The following CIP2A variants were observed in gnomAD, a reference collection of about 807,000 sequenced individuals.
CIP2A encodes protein CIP2A.
A neutral mutation model predicts 110.9 loss-of-function variants in CIP2A; 103 were observed. The observed-to-expected ratio is 0.93, with a 90% confidence interval of 0.79 to 1.09. The LOEUF (loss-of-function observed/expected upper bound fraction) is 1.09, where lower values mean the gene tolerates loss of function less well. Among genes scored for constraint, CIP2A ranks in the 50% least tolerant of loss-of-function variants. CIP2A has a pLI of 0.00. For missense variants in CIP2A, 1,088 were observed against 1,038.4 expected (o/e 1.05, Z -0.66); for synonymous variants, 381 against 361.6 (o/e 1.05, Z -0.61).
At chr3:108,574,106 A>G (rs1204486823) in intron 8 of CIP2A, among the ~76,000 whole-genome samples, 3 of 152,152 alleles carry the variant, frequency 2.0e-5, no homozygotes, top group African/African-American at 7.2e-5. Flanking sequence ...CACAGAATGG[A>G]AGAAAATATT....
In CIP2A at chr3:108,563,753, C is replaced by T. The variant is rs143430662; in HGVS notation, c.1516-509G>A. ...AGTATTGTAAGCCCCAAGTCATCAA[C>T]ATATATCTAAAATGTCTGGGACCAG... is the stretch of plus-strand genomic sequence containing the variant. On this transcript the variant is annotated intron_variant, in intron 12 of 20. Coordinates refer to ENST00000295746, the MANE Select transcript of CIP2A (RefSeq NM_020890.3). Among the ~76,000 whole-genome samples the T allele has an allele frequency of 2.0e-5, 3 of 152,108 alleles. No individual in the cohort carries two copies. In the East Asian group the frequency reaches 5.8e-4, roughly 29 times the overall value.
intron 17 of CIP2A, 37 bp downstream of exon 17, chr3:108,557,181 G>T: frequency 1.5e-6 from 2 of 1,323,186 alleles, no homozygotes; most frequent in Non-Finnish European, 2.1e-6. Flanking sequence ...GTTCATTCTA[G>T]GTTCTAACCT....
rs957894379 is a variant in CIP2A at position 108,554,571 on chromosome 3, C to G, written c.2211-82G>C. ...AAAGAAGCTCACAGTGTTTTCTTTA[C>G]TATCTCTTCTAACCAAATTGCATAT... On this transcript the variant is annotated intron_variant, in intron 17 of 20. Transcript: ENST00000295746. The G allele has an allele frequency of 3.0e-5, 19 of 633,912 alleles. 1 individual carries two copies. Among genetic ancestry groups the G allele is most frequent in the Non-Finnish European group, 5.3e-5 (19 of 358,318 alleles). 39.3% of individuals were successfully genotyped at this position (633,912 alleles called of 1,614,324 possible).
rs371917689 is a variant in CIP2A at position 108,589,420 on chromosome 3, G to C, written c.-45C>G. The C allele has an allele frequency of 7.0e-7, 1 of 1,424,888 alleles. No individual in the cohort carries two copies. Among genetic ancestry groups the C allele is most frequent in the Non-Finnish European group, 9.8e-7 (1 of 1,022,804 alleles). The allele number at this position is 1,424,888 out of a possible 1,614,324, so 88.3% of individuals were successfully genotyped here. ...CTTAGGGACCACCACCGCCCAGCGT[G>C]CGCCGGCCTTTAGCTTTCGCCGCGC... On this transcript the variant is annotated 5_prime_UTR_variant, in exon 1 of 21. Coordinates refer to ENST00000295746, the MANE Select transcript of CIP2A (RefSeq NM_020890.3).
chr3:108,582,942 A>T (rs1938929405), intron 3 of CIP2A, 35 bp downstream of exon 3: 1 of 1,288,700 alleles, frequency 7.8e-7, no homozygotes, highest in Admixed American at 1.9e-5. Context: ...ATCTGACAGT[A>T]AGGAAAGGGG....
chr3:108,585,710 G>C (rs1175670546), intron 1 of CIP2A: 2 of 456,378 alleles, frequency 4.4e-6, no homozygotes, highest in Non-Finnish European at 8.8e-6. Flanking sequence ...GGTAGTTATG[G>C]GATTATTCCT....
chr3:108,566,555 A>G lies in CIP2A; in HGVS notation c.1357T>C (p.Phe453Leu). The change falls in exon 11 of 21, where the codon TTT (phenylalanine) becomes CTT (leucine). Residue 453 changes from phenylalanine to leucine, a missense_variant. Phe to Leu is a conservative substitution (Grantham distance 22, BLOSUM62 0). Coordinates refer to ENST00000295746, the MANE Select transcript of CIP2A (RefSeq NM_020890.3). ...VKCTTLIEQQ[F>L]TYGKIDLGFG... is the part of the protein sequence containing the mutation. ...CCCAGGTCAATCTTGCCATATGTAA[A>G]TTGTTGTTCTATAAGAGTGGTACAC... 1.2e-6 allele frequency: 2 copies of G among 1,608,198 alleles called. No individual in the cohort carries two copies. The highest frequency in any genetic ancestry group is 1.7e-6 in the Non-Finnish European group (2 of 1,176,970).
rs1939006290 is a variant in CIP2A at position 108,585,218 on chromosome 3, A to C, written c.103-6T>G. On this transcript the variant is annotated splice_polypyrimidine_tract_variant and splice_region_variant and intron_variant, in intron 1 of 20. Transcript: ENST00000295746. Reference sequence around the variant, plus strand: ...AGTTTCTGTCCAGAAATTACCTATAAAATAGTAATCAAAATGTGTTGGTTA... The same window carrying C: ...AGTTTCTGTCCAGAAATTACCTATACAATAGTAATCAAAATGTGTTGGTTA... The C allele has an allele frequency of 6.3e-7, 1 of 1,596,058 alleles. No individual in the cohort carries two copies. Among genetic ancestry groups the C allele is most frequent in the Non-Finnish European group, 8.5e-7 (1 of 1,169,964 alleles).
chr3:108,572,687 C>T (rs889198170), intron 8 of CIP2A, among the ~76,000 whole-genome samples: 1 of 151,976 alleles, frequency 6.6e-6, no homozygotes, highest in African/African-American at 2.4e-5. Context: ...TTGTATCCAG[C>T]CAACTTGTTA....
At chr3:108,561,370 A>C (rs1259138954) in intron 13 of CIP2A, among the ~76,000 whole-genome samples, 4 of 152,190 alleles carry the variant, frequency 2.6e-5, no homozygotes, top group Non-Finnish European at 1.5e-5. Flanking sequence ...TGCAAACTGC[A>C]AGATGGCAGG....
Position 108,569,540 on chromosome 3 carries a change from A to C in CIP2A, c.962T>G (p.Phe321Cys). The C allele has an allele frequency of 6.2e-7, 1 of 1,612,846 alleles. No homozygotes were observed. Among genetic ancestry groups the C allele is most frequent in the Non-Finnish European group, 8.5e-7 (1 of 1,179,312 alleles). ...QLRHMLTQMM[F>C]EQSPPGSATL... The stretch of plus-strand genomic sequence containing the variant: ...GGCGCTGCCAGGTGGAGACTGTTCA[A>C]ACATCATCTGAGTGAGCATATGGCG... The change falls in exon 9 of 21, where the codon TTT (phenylalanine) becomes TGT (cysteine). Residue 321 changes from phenylalanine (F) to cysteine (C), a missense_variant. Phe to Cys is a radical substitution (Grantham distance 205). Transcript: ENST00000295746.
intron 20 of CIP2A, among the ~76,000 whole-genome samples, chr3:108,551,805 C>G (rs1388814983): frequency 1.3e-5 from 2 of 151,916 alleles, no homozygotes; most frequent in Non-Finnish European, 2.9e-5. Context: ...TAGAAAGAAC[C>G]CCGGACTCAG....
intron 5 of CIP2A, among the ~76,000 whole-genome samples, chr3:108,580,715 A>C (rs1349806623): frequency 1.3e-5 from 2 of 151,414 alleles, no homozygotes; most frequent in East Asian, 3.9e-4. Context: ...TCCAACCTCC[A>C]CCTCCCGGGT....
At position 108,574,746 on chromosome 3, in the gene CIP2A, A is replaced by C. The variant is rs567692025; in HGVS notation, c.894+1525T>G. 2.0e-5 allele frequency: 3 copies of C among 152,894 alleles called. No individual in the cohort carries two copies. The East Asian group carries it at 5.8e-4, about 29-fold the overall frequency. The allele number at this position is 152,894 out of a possible 1,614,324, so 9.5% of individuals were successfully genotyped here. ...TCTGACCTCCTGCTGTCCCCCATCTAGGCTTCTGAGAGCTATTATGCAAGG... is the reference window on the plus strand; with the variant it reads ...TCTGACCTCCTGCTGTCCCCCATCTCGGCTTCTGAGAGCTATTATGCAAGG... On this transcript the variant is annotated intron_variant, in intron 8 of 20. Transcript: ENST00000295746.
intron 8 of CIP2A, 49 bp downstream of exon 8, chr3:108,576,195 TATTTTGCAGTTTTTTAAAAGTTTCGGC>T: frequency 2.4e-6 from 2 of 825,428 alleles, no homozygotes; most frequent in Non-Finnish European, 3.9e-6. Context: ...GATTTTTCTG[TATTTTGCAGTTTTTTAAAAGTTTCGGC>T]ATTTTGCAGT....
At chr3:108,561,747 G>A (rs780255595) in intron 13 of CIP2A, among the ~76,000 whole-genome samples, 11 of 151,984 alleles carry the variant, frequency 7.2e-5, no homozygotes, top group African/African-American at 1.5e-4. Flanking sequence ...TTTATTAAAC[G>A]CCCAAGATAA....
At chr3:108,587,401 G>A (rs1314787225) in intron 1 of CIP2A, among the ~76,000 whole-genome samples, 1 of 152,104 alleles carries the variant, frequency 6.6e-6, no homozygotes, top group African/African-American at 2.4e-5. Context: ...TTTATTGAGT[G>A]GAAAAGGCCA....
Position 108,554,418 on chromosome 3 carries a change from G to T in CIP2A, c.2282C>A (p.Thr761Lys). ...TCDSLNKQIE[T>K]VKKLNESLKE... ...GAGTGACTCATTCAACTTTTTCACT[G>T]TCTCAATTTGTTTATTCAGAGAATC... Residue 761 changes from threonine to lysine, a missense_variant, in exon 18 of 21, where the codon ACA (threonine) becomes AAA (lysine). By Grantham distance (78) the Thr-to-Lys change is moderately conservative. Coordinates refer to ENST00000295746, the MANE Select transcript of CIP2A (RefSeq NM_020890.3). The T allele has an allele frequency of 6.4e-7, 1 of 1,559,352 alleles. No individual in the cohort carries two copies. The highest frequency in any genetic ancestry group is 8.8e-7 in the Non-Finnish European group (1 of 1,135,798).
intron 20 of CIP2A, 122 bp downstream of exon 20, chr3:108,552,112 T>G: frequency 6.8e-4 from 442 of 652,232 alleles, no homozygotes; most frequent in East Asian, 9.2e-4. Flanking sequence ...CAAGCTGCTT[T>G]GAGATCCTAA....
Sources: gnomAD v4.1 joint callset for allele counts (sites outside exome capture counted in the v4.1 genomes callset) on GRCh38, gnomAD v4.1.1 for gene constraint, MANE v1.5 for transcripts, NCBI Gene and HGNC (gene_info 2026-07-23, HGNC 2026-07-21) for gene names.